FXR1: variants seen among roughly 807,000 people sequenced by gnomAD.
FXR1 encodes FMR1 autosomal homolog 1, also known as RNA-binding protein FXR1.
FXR1 carries 15 observed loss-of-function variants against 84.0 expected under a neutral mutation model. The ratio of observed to expected loss-of-function variants is 0.18; its 90% confidence interval spans 0.12 to 0.27. The LOEUF (loss-of-function observed/expected upper bound fraction) is 0.27. Ranked by LOEUF, FXR1 falls within the 10% of genes least tolerant of loss-of-function variation. The probability of loss-of-function intolerance (pLI) is 1.00; values close to 1 mark genes in which losing one functional copy is unlikely to be tolerated. For missense variants in FXR1, 480 were observed against 774.4 expected, an observed-to-expected ratio of 0.62 and a Z score of 4.51; for synonymous variants, 245 against 250.7, an observed-to-expected ratio of 0.98 and a Z score of 0.21.
At chr3:180,915,611 T>G (rs1168225096) in intron 1 of FXR1, 4 of 826,648 alleles carry the variant, frequency 4.8e-6, no homozygotes, top group South Asian at 1.4e-5. Context: ...TGGTTTTTTT[T>G]GGTGGTTTTT....
At chr3:180,933,094 A>C in intron 1 of FXR1, 1 of 461,732 alleles carries the variant, frequency 2.2e-6, no homozygotes. Flanking sequence ...AGGGATGTAC[A>C]TTTACTTTTG....
intron 8 of FXR1, among the ~76,000 whole-genome samples, chr3:180,952,908 C>T (rs1355543157): frequency 1.3e-5 from 2 of 149,618 alleles, no homozygotes; most frequent in Non-Finnish European, 3.0e-5. Context: ...TCATAGCTCA[C>T]TGCAGCCTCC....
chr3:180,969,807 T>C (rs1010115784), intron 14 of FXR1, among the ~76,000 whole-genome samples: 1 of 152,204 alleles, frequency 6.6e-6, no homozygotes, highest in African/African-American at 2.4e-5. Flanking sequence ...TTTTCATTTT[T>C]GTTTTTCTAG....
intron 15 of FXR1, among the ~76,000 whole-genome samples, chr3:180,972,097 G>C (rs1713653622): frequency 6.6e-6 from 1 of 152,162 alleles, no homozygotes; most frequent in Admixed American, 6.5e-5. Context: ...ATTAAATATT[G>C]TCAAAAAATA....
In FXR1 at chr3:180,936,812, T is replaced by G. The variant is rs184027726; in HGVS notation, c.198+1581T>G. ...GCAAAATAGTACACAGTGAACTTAG[T>G]GCAAATAATTAAAATCCAGGCAGAA... is the stretch of plus-strand genomic sequence containing the variant. On this transcript the variant is annotated intron_variant, in intron 3 of 16. Coordinates refer to ENST00000357559, the MANE Select transcript of FXR1 (RefSeq NM_005087.4). Among the ~76,000 whole-genome samples the G allele has an allele frequency of 1.2e-4, 19 of 152,318 alleles. No individual in the cohort carries two copies. The East Asian group carries it at 3.3e-3, about 26-fold the overall frequency.
chr3:180,942,893 T>C (rs1721284119), intron 3 of FXR1, among the ~76,000 whole-genome samples: 1 of 152,200 alleles, frequency 6.6e-6, no homozygotes, highest in Non-Finnish European at 1.5e-5. Flanking sequence ...TGAAGTGATA[T>C]TTTATTGTGT....
intron 3 of FXR1, among the ~76,000 whole-genome samples, chr3:180,944,353 C>T (rs1209577497): frequency 2.0e-5 from 3 of 150,948 alleles, no homozygotes; most frequent in African/African-American, 2.4e-5. Context: ...CAGGGTCTCG[C>T]TCTGTCACCC....
intron 3 of FXR1, among the ~76,000 whole-genome samples, chr3:180,942,339 C>G (rs959987104): frequency 3.9e-5 from 5 of 129,400 alleles, no homozygotes; most frequent in African/African-American, 1.5e-4. Context: ...GATTGCGCCA[C>G]TGCACTCCAG....
intron 15 of FXR1, among the ~76,000 whole-genome samples, chr3:180,972,193 G>A (rs973245295): frequency 6.6e-6 from 1 of 152,180 alleles, no homozygotes. Flanking sequence ...GCTGGGTGCA[G>A]TGGCTCATAC....
rs746858121 is a variant in FXR1, at chr3:180,975,421, C to G, written c.1695+17C>G. The G allele has an allele frequency of 9.6e-7, 1 of 1,045,802 alleles. No individual in the cohort carries two copies. The highest frequency in any genetic ancestry group is 2.4e-5 in the Admixed American group (1 of 41,302). The allele number at this position is 1,045,802 out of a possible 1,614,324, so 64.8% of individuals were successfully genotyped here. On this transcript the variant is annotated intron_variant, in intron 16 of 16. Transcript: ENST00000357559. ...AAAGAAATGGTAAGGAGAATTTAACCTGTAGGTTTTTTTTTTTTTTAATTT... is the reference window on the plus strand; with the variant it reads ...AAAGAAATGGTAAGGAGAATTTAACGTGTAGGTTTTTTTTTTTTTTAATTT...
intron 1 of FXR1, among the ~76,000 whole-genome samples, chr3:180,926,001 T>C (rs1291302234): frequency 6.6e-6 from 1 of 152,206 alleles, no homozygotes; most frequent in African/African-American, 2.4e-5. Flanking sequence ...CCAGTGTCTC[T>C]AATAAAGAAG....
At chr3:180,947,797 TA>T (rs35751013) in intron 3 of FXR1, 67 bp from the exon 4 acceptor site, 3 of 759,748 alleles carry the variant, frequency 3.9e-6, no homozygotes, top group Non-Finnish European at 6.4e-6. Context: ...TGGGTATTAA[TA>T]AAAAGTCATT....
At chr3:180,957,684 A>G (rs1711528175) in intron 9 of FXR1, 135 bp from the exon 10 acceptor site, 2 of 548,248 alleles carry the variant, frequency 3.6e-6, no homozygotes, top group Non-Finnish European at 6.6e-6. Context: ...GGGCGAGTTA[A>G]TTGATAGTAA....
intron 11 of FXR1, among the ~76,000 whole-genome samples, chr3:180,962,490 T>G (rs1344445437): frequency 6.6e-6 from 1 of 152,248 alleles, no homozygotes; most frequent in Admixed American, 6.5e-5. Context: ...AGTAGCTTGT[T>G]AATAGTACCT....
chr3:180,964,519 G>A (rs914766966), intron 13 of FXR1, among the ~76,000 whole-genome samples: 8 of 151,980 alleles, frequency 5.3e-5, no homozygotes, highest in African/African-American at 1.9e-4. Flanking sequence ...TTCAGTAGAT[G>A]GCACTCTTAG....
intron 1 of FXR1, among the ~76,000 whole-genome samples, 185 bp downstream of exon 1, chr3:180,912,921 G>GT (rs1353439747): frequency 6.6e-6 from 1 of 152,072 alleles, no homozygotes; most frequent in East Asian, 1.9e-4. Flanking sequence ...CCGGGGCTCC[G>GT]TTATGTTTTG....
chr3:180,927,742 A>T lies in FXR1; in HGVS notation c.52-5592A>T. The T allele has an allele frequency of 6.8e-6, 3 of 441,250 alleles. No homozygotes were observed. The Middle Eastern group carries it at 9.4e-4, about 138-fold the overall frequency. 27.3% of individuals were successfully genotyped at this position (441,250 alleles called of 1,614,324 possible). On this transcript the variant is annotated intron_variant, in intron 1 of 16. Coordinates refer to ENST00000357559, the MANE Select transcript of FXR1 (RefSeq NM_005087.4). The stretch of plus-strand genomic sequence containing the variant: ...ACTGAAGAGAAAAGCGAAGTTCAGA[A>T]CAAATTGTAGCAAATGTTTAACAAT...
intron 8 of FXR1, among the ~76,000 whole-genome samples, chr3:180,952,528 G>T (rs557428031): frequency 6.6e-6 from 1 of 151,784 alleles, no homozygotes; most frequent in South Asian, 2.1e-4. Context: ...TTGTCCTCTA[G>T]CCTGAGCAAC....
chr3:180,938,885 A>AT (rs1720822201), intron 3 of FXR1, among the ~76,000 whole-genome samples: 1 of 149,080 alleles, frequency 6.7e-6, no homozygotes, highest in Non-Finnish European at 1.5e-5. Flanking sequence ...TTCTTAGGCA[A>AT]TTTTTTTATT....
Sources: gnomAD v4.1 joint callset for allele counts (sites outside exome capture counted in the v4.1 genomes callset) on GRCh38, gnomAD v4.1.1 for gene constraint, MANE v1.5 for transcripts, NCBI Gene and HGNC (gene_info 2026-07-23, HGNC 2026-07-21) for gene names.